The following SLIT1 variants were observed in gnomAD, a reference collection of about 807,000 sequenced individuals.
The protein encoded by SLIT1 is slit guidance ligand 1.
SLIT1 carries 66 observed loss-of-function variants against 186.1 expected under a neutral mutation model. That is an observed-to-expected ratio of 0.35 (90% CI 0.29 to 0.44). The LOEUF is 0.44. Among genes scored for constraint, SLIT1 ranks in the 20% least tolerant of loss-of-function variants. SLIT1 has a pLI of 1.00. For missense variants in SLIT1, 1,638 were observed against 2,037.4 expected (o/e 0.80, Z 3.77); for synonymous variants, 761 against 833.8 (o/e 0.91, Z 1.50).
At chr10:97,020,725 C>G (rs899673908) in intron 26 of SLIT1, among the ~76,000 whole-genome samples, 3 of 152,276 alleles carry the variant, frequency 2.0e-5, no homozygotes, top group Admixed American at 6.5e-5. Flanking sequence ...CTGTGCTCAG[C>G]AGGGCTTCTG....
chr10:97,044,835 T>C (rs1848721510), intron 18 of SLIT1, among the ~76,000 whole-genome samples: 1 of 152,244 alleles, frequency 6.6e-6, no homozygotes, highest in South Asian at 2.1e-4. Flanking sequence ...ACAATAAAGA[T>C]ATTGTCACAG....
At chr10:97,111,685 G>A (rs1849466000) in intron 4 of SLIT1, among the ~76,000 whole-genome samples, 1 of 152,152 alleles carries the variant, frequency 6.6e-6, no homozygotes, top group South Asian at 2.1e-4. Flanking sequence ...CCTATTCTCT[G>A]AAGCGCCTGG....
chr10:97,100,020 C>T (rs146539899), intron 4 of SLIT1, among the ~76,000 whole-genome samples: 1 of 152,266 alleles, frequency 6.6e-6, no homozygotes, highest in African/African-American at 2.4e-5. Context: ...TTCTCACTTC[C>T]ATCACCCTAG....
chr10:97,160,113 C>T lies in SLIT1; in HGVS notation c.342-2224G>A, dbSNP rs1201916754. Reference sequence around the variant, plus strand: ...GGCCAGCTCCCAGGGTGACTGGGCACACTCCACTCCTCTCCACCTGCAGAC... The same window carrying T: ...GGCCAGCTCCCAGGGTGACTGGGCATACTCCACTCCTCTCCACCTGCAGAC... On this transcript the variant is annotated intron_variant, in intron 3 of 36. Transcript: ENST00000266058. Among the ~76,000 whole-genome samples the T allele has an allele frequency of 7.2e-5, 11 of 152,120 alleles. 1 individual carries two copies. Among genetic ancestry groups the T allele is most frequent in the Non-Finnish European group, 1.6e-4 (11 of 68,034 alleles).
chr10:97,030,660 G>A, intron 25 of SLIT1, 97 bp downstream of exon 25: 1 of 1,022,678 alleles, frequency 9.8e-7, no homozygotes, highest in South Asian at 1.3e-5. Context: ...CAGAGTAAAA[G>A]CAACAAACTC....
chr10:97,001,478 C>T (rs1411589955), intron 36 of SLIT1, 128 bp from the exon 37 acceptor site: 1 of 693,154 alleles, frequency 1.4e-6, no homozygotes, highest in Non-Finnish European at 2.5e-6. Flanking sequence ...GCTCTCAGAC[C>T]CCACCTCTGT....
At chr10:97,126,980 C>T (rs1029062383) in intron 4 of SLIT1, among the ~76,000 whole-genome samples, 4 of 152,202 alleles carry the variant, frequency 2.6e-5, no homozygotes, top group African/African-American at 4.8e-5. Flanking sequence ...CTCCCATCTA[C>T]GCCATTCTCA....
intron 12 of SLIT1, among the ~76,000 whole-genome samples, chr10:97,056,686 C>T (rs370719725): frequency 1.5e-3 from 223 of 152,374 alleles, no homozygotes; most frequent in African/African-American, 5.2e-3. Flanking sequence ...ACCCACTCGT[C>T]TCTCTTTCCA....
chr10:97,012,681 C>T (rs1165330442), intron 30 of SLIT1, among the ~76,000 whole-genome samples: 2 of 152,228 alleles, frequency 1.3e-5, no homozygotes, highest in African/African-American at 4.8e-5. Flanking sequence ...GTACAGCGTC[C>T]GTCTACCATT....
At chr10:97,158,661 CAAA>C (rs34201804) in intron 3 of SLIT1, among the ~76,000 whole-genome samples, 4 of 122,258 alleles carry the variant, frequency 3.3e-5, no homozygotes, top group Non-Finnish European at 5.0e-5. Context: ...AACTCTGTCT[CAAA>C]AAAAAAAAAA....
At position 97,010,434 on chromosome 10, in the gene SLIT1, A is replaced by C. The variant is rs955481195; in HGVS notation, c.3341+559T>G. ...AGAAGAGGGGCTGGTGTGACAGATA[A>C]AGGGTATGGGGTTTTTTAAGGGGAA... On this transcript the variant is annotated intron_variant, in intron 31 of 36. Transcript: ENST00000266058. This position sits in a 1 kb window ranked among gnomAD's most constrained non-coding sequence, Gnocchi z 4.8. Among the ~76,000 whole-genome samples the C allele has an allele frequency of 2.6e-5, 4 of 152,224 alleles. No homozygotes were observed. The highest frequency in any genetic ancestry group is 5.9e-5 in the Non-Finnish European group (4 of 68,042).
chr10:97,039,435 T>G (rs960823616), intron 21 of SLIT1, among the ~76,000 whole-genome samples: 2 of 151,710 alleles, frequency 1.3e-5, no homozygotes, highest in African/African-American at 4.8e-5. Context: ...TCAATGGGAG[T>G]GCAAAGGAAA....
chr10:97,044,076 C>T (rs1360729997), intron 18 of SLIT1, among the ~76,000 whole-genome samples: 1 of 152,240 alleles, frequency 6.6e-6, no homozygotes, highest in African/African-American at 2.4e-5. Flanking sequence ...TTTGCCTCAT[C>T]TACATCTGGA....
intron 12 of SLIT1, 79 bp from the exon 13 acceptor site, chr10:97,056,543 A>C (rs1199369488): frequency 2.1e-5 from 30 of 1,458,932 alleles, no homozygotes; most frequent in Non-Finnish European, 2.8e-5. Context: ...CACCTTCTTC[A>C]GTCCCGGCCT....
chr10:97,050,216 A>G (rs116143917), intron 13 of SLIT1, among the ~76,000 whole-genome samples: 3,085 of 152,312 alleles, frequency 0.02, 117 homozygotes, highest in African/African-American at 0.071. Context: ...TTGCCCTGCC[A>G]TGGCCACTTT....
Position 97,047,712 on chromosome 10 carries a change from T to C in SLIT1, c.1612A>G (p.Ile538Val), listed in dbSNP as rs774498845. Residue 538 changes from isoleucine (I) to valine (V), a missense_variant, in exon 16 of 37, where the codon ATC becomes GTC. This residue lies in a region of SLIT1 where 1,245 missense variants were observed against 1,535.3 expected (regional missense o/e 0.81). Coordinates refer to ENST00000266058, the MANE Select transcript of SLIT1 (RefSeq NM_003061.3). ...SLKLTKIPER[I>V]PQSTAELRLN... ...CACAGTTCTGCCGTGGACTGGGGGA[T>C]GCGCTCAGGGATCTTGGTGAGCTTC... is the stretch of plus-strand genomic sequence containing the variant. 1.2e-6 allele frequency: 2 copies of C among 1,613,734 alleles called. No individual in the cohort carries two copies. The highest frequency in any genetic ancestry group is 1.7e-6 in the Non-Finnish European group (2 of 1,180,024).
chr10:97,119,913 GTATATATATATATATATATATA>G lies in SLIT1; in HGVS notation c.413+37883_413+37904del, dbSNP rs55656011. 9.0e-4 allele frequency among the ~76,000 whole-genome samples: 51 copies of G among 56,518 alleles called. 1 individual carries two copies. In the Middle Eastern group the frequency reaches 0.039, roughly 43 times the overall value. 37.1% of individuals were successfully genotyped at this position (56,518 alleles called of 152,430 possible). A position where few individuals can be genotyped will look rare whatever the true frequency, so the allele number is the denominator to read the frequency against. ...AAATACATATTTTTTTTCCAAAGGG[GTATATATATATATATATATATA>G]TATATATATATGTATATGTATATAG... On this transcript the variant is annotated intron_variant, in intron 4 of 36. Transcript: ENST00000266058.
chr10:97,083,739 C>A (rs749044375), intron 4 of SLIT1, among the ~76,000 whole-genome samples: 2 of 152,214 alleles, frequency 1.3e-5, no homozygotes, highest in Non-Finnish European at 2.9e-5. Flanking sequence ...GTCTCAGGAA[C>A]TGTCACTCCT....
chr10:97,157,627 A>AGAAATACCCT (rs1174488345), intron 4 of SLIT1, 191 bp downstream of exon 4: 2 of 609,366 alleles, frequency 3.3e-6, no homozygotes, highest in Admixed American at 2.7e-5. Context: ...CTTGCCATGG[A>AGAAATACCCT]GAAATACCCT....
Sources: allele counts gnomAD v4.1 joint callset (sites outside exome capture counted in the v4.1 genomes callset), GRCh38; gene constraint gnomAD v4.1.1; regional missense constraint gnomAD v4.1.1; non-coding constraint Gnocchi (gnomAD v3.1); transcripts MANE v1.5; gene names NCBI Gene and HGNC (gene_info 2026-07-23, HGNC 2026-07-21).